The following CADM2 variants were observed in gnomAD, a reference collection of about 807,000 sequenced individuals.
CADM2 encodes the protein cell adhesion molecule 2.
CADM2 carries 12 observed loss-of-function variants against 49.8 expected under a neutral mutation model. That is an observed-to-expected ratio of 0.24 (90% CI 0.15 to 0.39). The LOEUF (loss-of-function observed/expected upper bound fraction) is 0.39, where lower values mean the gene tolerates loss of function less well. CADM2 is among the 10% of genes least tolerant of loss of function. The pLI, the probability that CADM2 is intolerant of heterozygous loss-of-function variation, is 1.00. For synonymous variants in CADM2, 214 were observed against 175.4 expected (o/e 1.22, Z -1.74); for missense variants, 378 against 492.3 (o/e 0.77, Z 2.20).
chr3:85,375,323 T>G (rs2033526229), intron 1 of CADM2, among the ~76,000 whole-genome samples: 1 of 152,220 alleles, frequency 6.6e-6, no homozygotes, highest in South Asian at 2.1e-4. Context: ...CTGCACAATT[T>G]CACTTTTTCT....
At chr3:85,559,208 G>T (rs1385408351) in intron 1 of CADM2, among the ~76,000 whole-genome samples, 2 of 151,906 alleles carry the variant, frequency 1.3e-5, no homozygotes, top group Non-Finnish European at 2.9e-5. Flanking sequence ...TTAAATATAA[G>T]CATATTTATG....
intron 1 of CADM2, among the ~76,000 whole-genome samples, chr3:85,719,941 A>C (rs977204341): frequency 6.6e-6 from 1 of 152,150 alleles, no homozygotes; most frequent in Non-Finnish European, 1.5e-5. Context: ...GTAAAAAAAA[A>C]ACAAAAAACA....
intron 8 of CADM2, among the ~76,000 whole-genome samples, chr3:86,059,233 T>G (rs1738342989): frequency 6.6e-6 from 1 of 151,968 alleles, no homozygotes; most frequent in African/African-American, 2.4e-5. Flanking sequence ...GAAAACACAA[T>G]AGACTAGACC....
chr3:85,103,841 T>C (rs1024775120), intron 1 of CADM2, among the ~76,000 whole-genome samples: 5 of 152,080 alleles, frequency 3.3e-5, no homozygotes, highest in Non-Finnish European at 7.4e-5. Flanking sequence ...TTTGACCACA[T>C]TGTGTGGCGG....
chr3:85,637,787 C>T (rs2064561441), intron 1 of CADM2, among the ~76,000 whole-genome samples: 1 of 151,924 alleles, frequency 6.6e-6, no homozygotes, highest in Non-Finnish European at 1.5e-5. Context: ...ATTTCAAAAC[C>T]CATAATGTCC....
intron 1 of CADM2, among the ~76,000 whole-genome samples, chr3:85,099,562 C>T (rs1445058145): frequency 6.6e-6 from 1 of 151,162 alleles, no homozygotes; most frequent in African/African-American, 2.4e-5. Flanking sequence ...TTCCATCTCT[C>T]GGGTTCAAGC....
intron 3 of CADM2, among the ~76,000 whole-genome samples, chr3:85,869,731 T>C (rs1361716940): frequency 6.6e-6 from 1 of 152,186 alleles, no homozygotes; most frequent in Non-Finnish European, 1.5e-5. Context: ...CGATCTCGGC[T>C]CACGGCAAGC....
At chr3:85,430,224 C>A (rs1306844196) in intron 1 of CADM2, among the ~76,000 whole-genome samples, 2 of 152,086 alleles carry the variant, frequency 1.3e-5, no homozygotes, top group Non-Finnish European at 2.9e-5. Flanking sequence ...GGGTACAGAT[C>A]CTTTTATAGC....
chr3:85,687,178 T>A (rs538208182), intron 1 of CADM2, among the ~76,000 whole-genome samples: 3 of 152,268 alleles, frequency 2.0e-5, no homozygotes, highest in East Asian at 3.9e-4. Flanking sequence ...TGTCACAAAA[T>A]TTTTTTAACT....
chr3:85,507,994 T>G (rs2040434303), intron 1 of CADM2, among the ~76,000 whole-genome samples: 1 of 152,132 alleles, frequency 6.6e-6, no homozygotes, highest in Non-Finnish European at 1.5e-5. Context: ...CAATAGTGAG[T>G]CTCCTTATCA....
intron 1 of CADM2, among the ~76,000 whole-genome samples, chr3:85,317,144 G>C (rs1416569544): frequency 2.6e-5 from 4 of 152,026 alleles, no homozygotes; most frequent in Non-Finnish European, 5.9e-5. Flanking sequence ...GGGGGGATGG[G>C]GGGTGGTGGT....
intron 1 of CADM2, among the ~76,000 whole-genome samples, chr3:85,011,699 A>G (rs1179976170): frequency 6.6e-6 from 1 of 152,076 alleles, no homozygotes. Context: ...CCTGGGCAAC[A>G]CAGGGAGACC....
intron 2 of CADM2, among the ~76,000 whole-genome samples, chr3:85,790,524 T>C (rs1346687693): frequency 1.3e-5 from 2 of 152,180 alleles, no homozygotes; most frequent in Middle Eastern, 3.2e-3. Flanking sequence ...TCAGGAGCTG[T>C]GGGAGCCACT....
At position 85,341,687 on chromosome 3, in the gene CADM2, G is replaced by A. The variant is rs146333577; in HGVS notation, c.61+382019G>A. On this transcript the variant is annotated intron_variant, in intron 1 of 9. Coordinates refer to ENST00000383699, the MANE Select transcript of CADM2 (RefSeq NM_001167675.2). ...CCTGCACATTCTGCATATGTATCCC[G>A]GAACTTCAAAGTCAAAAACACACAA... 5.9e-5 allele frequency among the ~76,000 whole-genome samples: 9 copies of A among 151,892 alleles called. No individual in the cohort carries two copies. In the East Asian group the frequency reaches 7.7e-4, roughly 13 times the overall value.
chr3:85,241,168 G>A (rs1000909424), intron 1 of CADM2, among the ~76,000 whole-genome samples: 1 of 151,294 alleles, frequency 6.6e-6, no homozygotes, highest in Non-Finnish European at 1.5e-5. Context: ...TGACAGAAAA[G>A]CAACAATAAA....
At chr3:85,347,098 C>T (rs976091556) in intron 1 of CADM2, among the ~76,000 whole-genome samples, 1 of 151,716 alleles carries the variant, frequency 6.6e-6, no homozygotes, top group Admixed American at 6.6e-5. Context: ...TGGTGCATGC[C>T]TGTGATCCGA....
rs188250353 is a variant in CADM2 at position 85,130,061 on chromosome 3, G to A, written c.61+170393G>A. Among the ~76,000 whole-genome samples the A allele has an allele frequency of 4.2e-3, 647 of 152,246 alleles. 3 individuals are homozygous for A. Among genetic ancestry groups the A allele is most frequent in the Middle Eastern group, 0.017 (5 of 294 alleles). On this transcript the variant is annotated intron_variant, in intron 1 of 9. Coordinates refer to ENST00000383699, the MANE Select transcript of CADM2 (RefSeq NM_001167675.2). ...TATCCCAGCTTAAGTTATCCATTAG[G>A]AAATACATGTGAATTTAATTCACCC...
At chr3:85,411,123 A>G (rs1399862297) in intron 1 of CADM2, among the ~76,000 whole-genome samples, 1 of 152,216 alleles carries the variant, frequency 6.6e-6, no homozygotes, top group Non-Finnish European at 1.5e-5. Flanking sequence ...ATAGAGTTTG[A>G]CGTGGTACGA....
intron 1 of CADM2, among the ~76,000 whole-genome samples, chr3:85,551,403 A>G (rs2061799638): frequency 6.6e-6 from 1 of 152,126 alleles, no homozygotes; most frequent in African/African-American, 2.4e-5. Flanking sequence ...ATAATTACTA[A>G]GATTAATACT....
Sources: gnomAD v4.1 joint callset for allele counts (sites outside exome capture counted in the v4.1 genomes callset) on GRCh38, gnomAD v4.1.1 for gene constraint, MANE v1.5 for transcripts, NCBI Gene and HGNC (gene_info 2026-07-23, HGNC 2026-07-21) for gene names.